SMG6: variants seen among roughly 807,000 people sequenced by gnomAD.
The protein encoded by SMG6 is telomerase-binding protein EST1A.
SMG6 carries 66 observed loss-of-function variants against 142.2 expected under a neutral mutation model. That is an observed-to-expected ratio of 0.46 (90% CI 0.38 to 0.57). The LOEUF (loss-of-function observed/expected upper bound fraction) is 0.57, where lower values mean the gene tolerates loss of function less well. SMG6 is among the 20% of genes least tolerant of loss of function. The probability of loss-of-function intolerance (pLI) is 0.00; values close to 1 mark genes in which losing one functional copy is unlikely to be tolerated. For synonymous variants in SMG6, 779 were observed against 702.4 expected (o/e 1.11, Z -1.72); for missense variants, 1,793 against 1,832.0 (o/e 0.98, Z 0.39).
At chr17:2,261,703 G>A (rs1452879589) in intron 8 of SMG6, among the ~76,000 whole-genome samples, 2 of 152,184 alleles carry the variant, frequency 1.3e-5, no homozygotes, top group Admixed American at 1.3e-4. Flanking sequence ...GTGTACGGAT[G>A]TAAAGACAAG....
At position 2,068,140 on chromosome 17, in the gene SMG6, C is replaced by T. The variant is rs2068001851; in HGVS notation, c.3835+638G>A. 6.6e-6 allele frequency among the ~76,000 whole-genome samples: 1 copy of T among 152,158 alleles called. No individual in the cohort carries two copies. The highest frequency in any genetic ancestry group is 1.5e-5 in the Non-Finnish European group (1 of 68,024). On this transcript the variant is annotated intron_variant, in intron 16 of 18. Coordinates refer to ENST00000263073, the MANE Select transcript of SMG6 (RefSeq NM_017575.5). This position sits in a 1 kb window ranked among gnomAD's most constrained non-coding sequence, Gnocchi z 6.7. Reference sequence around the variant, plus strand: ...CCGTGGAGACGGCCCAGCTGGGCCTCTCTGGCTAGAGGGTGGGAAAGCAAG... The same window carrying T: ...CCGTGGAGACGGCCCAGCTGGGCCTTTCTGGCTAGAGGGTGGGAAAGCAAG...
chr17:2,297,402 C>T (rs779006081), intron 3 of SMG6, 49 bp from the exon 4 acceptor site: 2 of 1,413,188 alleles, frequency 1.4e-6, no homozygotes. Flanking sequence ...TCTAATCCAA[C>T]CTATCCACCA....
In SMG6 at chr17:2,186,707, C is replaced by T. The variant is rs760266179; in HGVS notation, c.3111G>A (p.Pro1037=). 14 of 1,614,054 alleles carry T rather than the reference C, an allele frequency of 8.7e-6. No homozygotes were observed. Among genetic ancestry groups the T allele is most frequent in the Admixed American group, 1.7e-5 (1 of 59,996 alleles). ...ATGTGGGAGGAGGATTCCAGGTGTC[C>T]GGGTAGCCGAGCATCCAATCTGACC... is the stretch of plus-strand genomic sequence containing the variant. The part of the protein sequence containing the change: ...KVWSDWMLGY[P]DTWNPPPTSL... Residue 1037 remains proline, a synonymous_variant, in exon 12 of 19, where the codon CCG becomes CCA. Transcript: ENST00000263073.
intron 15 of SMG6, 21 bp downstream of exon 15, chr17:2,081,789 C>A (rs186232515): frequency 1.2e-6 from 2 of 1,611,324 alleles, no homozygotes; most frequent in South Asian, 1.1e-5. Context: ...GTGGGAACCA[C>A]GCTCCCCAGG....
intron 13 of SMG6, chr17:2,127,338 G>T: frequency 2.0e-6 from 1 of 499,090 alleles, no homozygotes; most frequent in Non-Finnish European, 3.9e-6. Flanking sequence ...ACAACACTGT[G>T]AATGTACTTA....
rs193017648 is a variant in SMG6 at position 2,065,750 on chromosome 17, C to G, written c.3836-71G>C. The G allele has an allele frequency of 5.1e-5, 67 of 1,311,274 alleles. No homozygotes were observed. The African/African-American group carries it at 8.4e-4, about 16-fold the overall frequency. The allele number at this position is 1,311,274 out of a possible 1,614,324, so 81.2% of individuals were successfully genotyped here. On this transcript the variant is annotated intron_variant, in intron 16 of 18. Coordinates refer to ENST00000263073, the MANE Select transcript of SMG6 (RefSeq NM_017575.5). ...TTCATCCTAGGCCTCTGTCCATTCA[C>G]TTTCCCAGCCAACACCTTCCCAGAC...
At chr17:2,265,662 G>A (rs1375319219) in intron 8 of SMG6, among the ~76,000 whole-genome samples, 1 of 152,168 alleles carries the variant, frequency 6.6e-6, no homozygotes, top group African/African-American at 2.4e-5. Context: ...AAATAATTTA[G>A]GCTTCGTGAG....
Position 2,093,428 on chromosome 17 carries a change from G to GA in SMG6, c.3358-7528dup, listed in dbSNP as rs201284242. 3.9e-3 allele frequency among the ~76,000 whole-genome samples: 582 copies of GA among 150,304 alleles called. 7 individuals carry two copies. The highest frequency in any genetic ancestry group is 0.012 in the African/African-American group (474 of 40,958). On this transcript the variant is annotated intron_variant, in intron 13 of 18. Transcript: ENST00000263073. ...ACAGAGTGATATCGTGACTCAAAAA[G>GA]AAAAAAAAAGACAGAGGGAATACAT...
At chr17:2,207,277 T>C (rs1023148931) in intron 10 of SMG6, among the ~76,000 whole-genome samples, 2 of 152,054 alleles carry the variant, frequency 1.3e-5, no homozygotes, top group Admixed American at 1.3e-4. Context: ...AGAGCAAGAC[T>C]GTGACTCAAA....
At chr17:2,100,201 C>T (rs1307976934) in intron 13 of SMG6, among the ~76,000 whole-genome samples, 2 of 152,164 alleles carry the variant, frequency 1.3e-5, no homozygotes, top group Admixed American at 6.6e-5. Context: ...CCATACCCAG[C>T]TAGTTTTTGT....
chr17:2,239,390 A>C (rs2151292876), intron 9 of SMG6, among the ~76,000 whole-genome samples: 1 of 152,352 alleles, frequency 6.6e-6, no homozygotes, highest in African/African-American at 2.4e-5. Flanking sequence ...AAACATACAA[A>C]AAGTGGTCAT....
chr17:2,077,103 C>T (rs903386985), intron 15 of SMG6, among the ~76,000 whole-genome samples: 3 of 152,226 alleles, frequency 2.0e-5, no homozygotes, highest in African/African-American at 7.2e-5. Context: ...CTCATTCACA[C>T]TTCAAATCAC....
Position 2,299,987 on chromosome 17 carries a change from T to A in SMG6, c.766A>T (p.Thr256Ser). Residue 256 changes from threonine (T) to serine (S), a missense_variant, in exon 2 of 19, where the codon ACG becomes TCG. Coordinates refer to ENST00000263073, the MANE Select transcript of SMG6 (RefSeq NM_017575.5). This position sits in a 1 kb window ranked among gnomAD's most constrained non-coding sequence, Gnocchi z 4.3. ...RSDKRRNRYRTRSTSSAGSNN... is the reference protein window; with the variant it reads ...RSDKRRNRYRSRSTSSAGSNN... Reference sequence around the variant, plus strand: ...CTGCCAGCTGAGCTGGTGCTGCGCGTGCGGTAGCGATTCCTTCGTTTGTCT... The same window carrying A: ...CTGCCAGCTGAGCTGGTGCTGCGCGAGCGGTAGCGATTCCTTCGTTTGTCT... 6.2e-7 allele frequency: 1 copy of A among 1,614,106 alleles called. No individual in the cohort carries two copies. Among genetic ancestry groups the A allele is most frequent in the South Asian group, 1.1e-5 (1 of 91,086 alleles).
chr17:2,220,931 TA>T (rs539914555), intron 10 of SMG6, among the ~76,000 whole-genome samples: 1 of 152,010 alleles, frequency 6.6e-6, no homozygotes, highest in Non-Finnish European at 1.5e-5. Context: ...TTAAATCCTT[TA>T]AAAAAAATCA....
intron 8 of SMG6, among the ~76,000 whole-genome samples, chr17:2,254,075 AAAAGAG>A (rs1287219211): frequency 1.4e-4 from 21 of 152,356 alleles, no homozygotes; most frequent in African/African-American, 4.8e-4. Context: ...GGTACACAGA[AAAAGAG>A]AAAGAAAGTT....
intron 13 of SMG6, among the ~76,000 whole-genome samples, chr17:2,164,326 G>A (rs2071268358): frequency 6.6e-6 from 1 of 151,868 alleles, no homozygotes; most frequent in African/African-American, 2.4e-5. Context: ...AAGAGGCTGA[G>A]GCAGGAGAAT....
intron 10 of SMG6, among the ~76,000 whole-genome samples, chr17:2,203,969 C>T (rs752774072): frequency 5.9e-5 from 9 of 152,152 alleles, no homozygotes; most frequent in Admixed American, 1.3e-4. Context: ...GCTTCCTGAA[C>T]GATTTTTTTT....
chr17:2,130,761 C>A (rs78985986), intron 13 of SMG6, among the ~76,000 whole-genome samples: 14 of 144,044 alleles, frequency 9.7e-5, no homozygotes, highest in African/African-American at 2.5e-4. Flanking sequence ...AAAAAAAAAA[C>A]ATCAAATAGG....
intron 13 of SMG6, among the ~76,000 whole-genome samples, chr17:2,102,119 C>G (rs986687720): frequency 2.0e-5 from 3 of 152,182 alleles, no homozygotes; most frequent in Non-Finnish European, 2.9e-5. Flanking sequence ...TGTGTGCTCT[C>G]AGGCAAATTA....
Sources: allele counts gnomAD v4.1 joint callset (sites outside exome capture counted in the v4.1 genomes callset), GRCh38; gene constraint gnomAD v4.1.1; non-coding constraint Gnocchi (gnomAD v3.1); transcripts MANE v1.5; gene names NCBI Gene and HGNC (gene_info 2026-07-23, HGNC 2026-07-21).